Variants in KCNQ5 observed in about 807,000 individuals in gnomAD.
KCNQ5 encodes potassium voltage-gated channel subfamily KQT member 5.
KCNQ5 carries 30 observed loss-of-function variants against 98.2 expected under a neutral mutation model. The observed-to-expected ratio is 0.31, with a 90% CI of 0.23 to 0.41. The LOEUF (loss-of-function observed/expected upper bound fraction) is 0.41, where lower values mean the gene tolerates loss of function less well. Among genes scored for constraint, KCNQ5 ranks in the 10% least tolerant of loss-of-function variants. The probability of loss-of-function intolerance (pLI) is 1.00; values close to 1 mark genes in which losing one functional copy is unlikely to be tolerated. For missense variants in KCNQ5, 835 were observed against 1,182.5 expected, an observed-to-expected ratio of 0.71 and a Z score of 4.31; for synonymous variants, 458 against 449.4, an observed-to-expected ratio of 1.02 and a Z score of -0.24.
chr6:72,869,798 G>A (rs1778133095), intron 1 of KCNQ5, among the ~76,000 whole-genome samples: 2 of 152,214 alleles, frequency 1.3e-5, no homozygotes, highest in Non-Finnish European at 2.9e-5. Context: ...GGGGGAGCGA[G>A]GCCCAGTGTC....
chr6:72,935,107 T>C (rs1338286151), intron 1 of KCNQ5, among the ~76,000 whole-genome samples: 1 of 148,544 alleles, frequency 6.7e-6, no homozygotes, highest in Non-Finnish European at 1.5e-5. Context: ...GTTTCGCTCT[T>C]GTCACCAGGC....
In KCNQ5 at chr6:72,662,585, C is replaced by T. The variant is rs548265612; in HGVS notation, c.398+39998C>T. Among the ~76,000 whole-genome samples, 20 of 147,166 alleles carry T rather than the reference C, an allele frequency of 1.4e-4. No homozygotes were observed. In the South Asian group the frequency reaches 3.9e-3, roughly 29 times the overall value. ...TAAAGCAAGTAAAACATCAAAAACT[C>T]AGGTTAACTTGGAAATAACTTTTTT... On this transcript the variant is annotated intron_variant, in intron 1 of 13. Transcript: ENST00000370398.
At chr6:72,940,465 G>A (rs1297951357) in intron 1 of KCNQ5, among the ~76,000 whole-genome samples, 1 of 151,986 alleles carries the variant, frequency 6.6e-6, no homozygotes, top group Non-Finnish European at 1.5e-5. Flanking sequence ...CCCAGCAAGG[G>A]CTGCAACAGT....
intron 7 of KCNQ5, among the ~76,000 whole-genome samples, chr6:73,113,925 A>G (rs995425717): frequency 2.0e-5 from 3 of 152,246 alleles, no homozygotes; most frequent in Admixed American, 6.5e-5. Flanking sequence ...TATTTTACTT[A>G]AAACTCCAAC....
chr6:72,784,700 A>G (rs1244899279), intron 1 of KCNQ5, among the ~76,000 whole-genome samples: 1 of 152,168 alleles, frequency 6.6e-6, no homozygotes, highest in Non-Finnish European at 1.5e-5. Context: ...CAAGTGGCAA[A>G]GTGACCAAGA....
intron 1 of KCNQ5, among the ~76,000 whole-genome samples, chr6:72,870,788 G>A (rs558318225): frequency 6.6e-6 from 1 of 152,176 alleles, no homozygotes; most frequent in East Asian, 1.9e-4. Context: ...ATTATACAGT[G>A]TACTAATAAT....
At chr6:72,878,924 C>T (rs879284842) in intron 1 of KCNQ5, among the ~76,000 whole-genome samples, 1 of 152,106 alleles carries the variant, frequency 6.6e-6, no homozygotes, top group Admixed American at 6.5e-5. Context: ...TTGCTAAGAT[C>T]GTGTATCCCT....
At chr6:72,690,976 T>C (rs1263238518) in intron 1 of KCNQ5, among the ~76,000 whole-genome samples, 1 of 152,140 alleles carries the variant, frequency 6.6e-6, no homozygotes, top group African/African-American at 2.4e-5. Flanking sequence ...CAGAAAACAA[T>C]TCAAAATATT....
At chr6:72,777,333 G>C (rs367625942) in intron 1 of KCNQ5, among the ~76,000 whole-genome samples, 5 of 152,108 alleles carry the variant, frequency 3.3e-5, no homozygotes, top group African/African-American at 1.2e-4. Context: ...TTAGAAAAGT[G>C]GTGATAAATA....
At chr6:72,930,972 T>C (rs1765669655) in intron 1 of KCNQ5, among the ~76,000 whole-genome samples, 1 of 152,202 alleles carries the variant, frequency 6.6e-6, no homozygotes, top group Non-Finnish European at 1.5e-5. Flanking sequence ...ATTGAACTTT[T>C]ACGTTTGTTG....
At chr6:72,799,340 T>G (rs1774511274) in intron 1 of KCNQ5, among the ~76,000 whole-genome samples, 4 of 152,198 alleles carry the variant, frequency 2.6e-5, no homozygotes, top group Admixed American at 2.6e-4. Context: ...GTCAACTGAT[T>G]GTAGATGTTA....
At chr6:73,113,520 C>T (rs988993026) in intron 7 of KCNQ5, among the ~76,000 whole-genome samples, 2 of 152,206 alleles carry the variant, frequency 1.3e-5, no homozygotes, top group African/African-American at 4.8e-5. Context: ...ACCAAGTTTG[C>T]CAATGGCACT....
intron 1 of KCNQ5, among the ~76,000 whole-genome samples, chr6:72,922,165 T>C (rs183622654): frequency 6.6e-6 from 1 of 152,308 alleles, no homozygotes; most frequent in Admixed American, 6.5e-5. Context: ...TCTAAACATA[T>C]ACCAAACACT....
intron 1 of KCNQ5, among the ~76,000 whole-genome samples, chr6:72,647,413 A>C (rs1765647912): frequency 6.6e-6 from 1 of 152,060 alleles, no homozygotes; most frequent in Non-Finnish European, 1.5e-5. Flanking sequence ...CCTGGTCAGG[A>C]GACAGAAGGC....
chr6:72,827,376 C>T (rs947492217), intron 1 of KCNQ5, among the ~76,000 whole-genome samples: 2 of 152,060 alleles, frequency 1.3e-5, no homozygotes, highest in Non-Finnish European at 2.9e-5. Flanking sequence ...TTCTCCACAC[C>T]CTCACCACCA....
intron 1 of KCNQ5, among the ~76,000 whole-genome samples, chr6:72,973,512 C>T (rs1022104437): frequency 6.6e-6 from 1 of 151,892 alleles, no homozygotes; most frequent in Non-Finnish European, 1.5e-5. Flanking sequence ...TCCTTTGTTT[C>T]CCAAAGCTTT....
intron 1 of KCNQ5, among the ~76,000 whole-genome samples, chr6:72,832,415 G>A (rs926410194): frequency 6.6e-6 from 1 of 152,064 alleles, no homozygotes; most frequent in South Asian, 2.1e-4. Context: ...AGTATGAGAA[G>A]GAGAGGGTGT....
At chr6:72,901,347 T>C (rs183936771) in intron 1 of KCNQ5, among the ~76,000 whole-genome samples, 46 of 152,312 alleles carry the variant, frequency 3.0e-4, no homozygotes, top group African/African-American at 1.1e-3. Context: ...CAAAAGCTCT[T>C]TTAATTAAGT....
chr6:73,091,143 TA>T (rs1386507286), intron 5 of KCNQ5, among the ~76,000 whole-genome samples: 2 of 151,932 alleles, frequency 1.3e-5, no homozygotes, highest in Non-Finnish European at 2.9e-5. Flanking sequence ...TATACAGCCA[TA>T]AAAAAGGATG....
Sources: allele counts gnomAD v4.1 joint callset (sites outside exome capture counted in the v4.1 genomes callset), GRCh38; gene constraint gnomAD v4.1.1; transcripts MANE v1.5; gene names NCBI Gene and HGNC (gene_info 2026-07-23, HGNC 2026-07-21).